ZMIZ1: variants seen among roughly 807,000 people sequenced by gnomAD.
The protein encoded by ZMIZ1 is zinc finger MIZ domain-containing protein 1.
ZMIZ1 carries 17 observed loss-of-function variants against 113.9 expected under a neutral mutation model. That is an observed-to-expected ratio of 0.15 (90% CI 0.10 to 0.22). The LOEUF is 0.22. Among genes scored for constraint, ZMIZ1 ranks in the 10% least tolerant of loss-of-function variants. The pLI is 1.00. For missense variants in ZMIZ1, 1,059 were observed against 1,477.8 expected (o/e 0.72, Z 4.65); for synonymous variants, 607 against 603.1 (o/e 1.01, Z -0.09).
At chr10:79,237,635 T>C (rs1849646779) in intron 7 of ZMIZ1, among the ~76,000 whole-genome samples, 1 of 152,240 alleles carries the variant, frequency 6.6e-6, no homozygotes. Context: ...AACTTCTTTT[T>C]ATAAGGACAC....
chr10:79,301,013 C>T (rs1854262582), intron 17 of ZMIZ1, 71 bp downstream of exon 17: 3 of 1,569,580 alleles, frequency 1.9e-6, no homozygotes, highest in East Asian at 4.5e-5. Flanking sequence ...GTGCGGAATA[C>T]CCTGCCCCAC....
chr10:79,206,749 GC>G (rs1237545547), intron 5 of ZMIZ1, among the ~76,000 whole-genome samples: 31 of 152,346 alleles, frequency 2.0e-4, no homozygotes, highest in African/African-American at 7.0e-4. Flanking sequence ...CAGGCACTTT[GC>G]CAGGGGCTGT....
rs1359989349 is a variant in ZMIZ1 at position 79,315,902 on chromosome 10, C to A, written c.*3153C>A. The stretch of plus-strand genomic sequence containing the variant: ...ACTCCATCACGTGGAAAAACTAGAT[C>A]CTGTTGGTTATAGCATTTGTGAGTT... On this transcript the variant is annotated 3_prime_UTR_variant, in exon 25 of 25. Coordinates refer to ENST00000334512, the MANE Select transcript of ZMIZ1 (RefSeq NM_020338.4). The A allele has an allele frequency of 6.6e-6, 1 of 152,412 alleles. No homozygotes were observed. The highest frequency in any genetic ancestry group is 1.9e-4 in the East Asian group (1 of 5,332). 9.4% of individuals were successfully genotyped at this position (152,412 alleles called of 1,614,324 possible).
At chr10:79,177,176 T>C (rs1191650286) in intron 4 of ZMIZ1, among the ~76,000 whole-genome samples, 1 of 152,230 alleles carries the variant, frequency 6.6e-6, no homozygotes, top group Non-Finnish European at 1.5e-5. Flanking sequence ...CTGTTGGGGC[T>C]GGACTCAGTG....
At chr10:79,292,389 G>A (rs1564589163) in intron 11 of ZMIZ1, 33 bp downstream of exon 11, 1 of 1,584,966 alleles carries the variant, frequency 6.3e-7, no homozygotes. Context: ...GTCCAGCCTT[G>A]CCCAGCCAGC....
At chr10:79,178,783 G>C (rs1313899824) in intron 4 of ZMIZ1, among the ~76,000 whole-genome samples, 1 of 152,148 alleles carries the variant, frequency 6.6e-6, no homozygotes, top group Non-Finnish European at 1.5e-5. Flanking sequence ...GAATTATTGT[G>C]GGGGAGACAG....
intron 1 of ZMIZ1, among the ~76,000 whole-genome samples, chr10:79,097,559 A>G (rs920690415): frequency 6.6e-6 from 1 of 152,210 alleles, no homozygotes; most frequent in African/African-American, 2.4e-5. Flanking sequence ...AATAAAATCA[A>G]TTGGACTGTT....
intron 6 of ZMIZ1, among the ~76,000 whole-genome samples, chr10:79,214,457 A>G (rs11002871): frequency 0.26 from 38,962 of 152,186 alleles, 5,500 homozygotes; most frequent in South Asian, 0.36. Flanking sequence ...GGGAAGGGGA[A>G]CCCATTGGCT....
At chr10:79,098,031 C>T (rs1432147649) in intron 1 of ZMIZ1, among the ~76,000 whole-genome samples, 1 of 152,168 alleles carries the variant, frequency 6.6e-6, no homozygotes, top group East Asian at 1.9e-4. Context: ...GCCACTGGGC[C>T]CTCGGAGGCC....
At chr10:79,277,368 C>A (rs1852366692) in intron 8 of ZMIZ1, 43 bp downstream of exon 8, 1 of 1,521,838 alleles carries the variant, frequency 6.6e-7, no homozygotes, top group Non-Finnish European at 8.8e-7. Flanking sequence ...GAGCAGACAC[C>A]CCTCTGGTCT....
intron 7 of ZMIZ1, among the ~76,000 whole-genome samples, chr10:79,238,108 A>G (rs901286044): frequency 6.6e-6 from 1 of 152,056 alleles, no homozygotes; most frequent in Non-Finnish European, 1.5e-5. Context: ...GTAGCTGAGC[A>G]GGCTCCTCTG....
At position 79,307,451 on chromosome 10, in the gene ZMIZ1, C is replaced by G; in HGVS notation, c.2715C>G (p.Asn905Lys). ...GHGNFDFPHGNPGGTSMNDFM... is the reference protein window; with the variant it reads ...GHGNFDFPHGKPGGTSMNDFM... ...GCAACTTTGACTTCCCCCACGGGAA[C>G]CCTGGAGGGACATCCATGAATGACT... Residue 905 changes from asparagine to lysine, a missense_variant, in exon 23 of 25, where the codon AAC (asparagine) becomes AAG (lysine). Around this residue, in one of 6 missense-constraint regions of ZMIZ1, gnomAD observed 225 missense variants for 276.0 expected, o/e 0.82. Coordinates refer to ENST00000334512, the MANE Select transcript of ZMIZ1 (RefSeq NM_020338.4). The G allele has an allele frequency of 6.2e-7, 1 of 1,613,126 alleles. No homozygotes were observed. The highest frequency in any genetic ancestry group is 1.3e-5 in the African/African-American group (1 of 74,814).
rs547162511 is a variant in ZMIZ1, at chr10:79,154,587, C to T, written c.-130-7466C>T. On this transcript the variant is annotated intron_variant, in intron 3 of 24. Coordinates refer to ENST00000334512, the MANE Select transcript of ZMIZ1 (RefSeq NM_020338.4). ...CTAGGCGCCCCTTTAAGCAAGACCTCGGTCCCTGGAAAAGGGATGGCTGTG... is the reference window on the plus strand; with the variant it reads ...CTAGGCGCCCCTTTAAGCAAGACCTTGGTCCCTGGAAAAGGGATGGCTGTG... 3.5e-4 allele frequency among the ~76,000 whole-genome samples: 54 copies of T among 152,354 alleles called. No individual in the cohort carries two copies. The South Asian group carries it at 7.5e-3, about 21-fold the overall frequency.
intron 8 of ZMIZ1, among the ~76,000 whole-genome samples, chr10:79,287,602 A>G (rs1012223748): frequency 6.6e-6 from 1 of 152,256 alleles, no homozygotes; most frequent in African/African-American, 2.4e-5. Context: ...CCCAAGGTGC[A>G]CATGTATTTG....
intron 5 of ZMIZ1, 119 bp from the exon 6 acceptor site, chr10:79,208,217 C>A: frequency 1.3e-6 from 1 of 762,762 alleles, no homozygotes; most frequent in Non-Finnish European, 2.2e-6. Context: ...TACCCCTTTA[C>A]CCCTTTCTGT....
chr10:79,200,887 A>C (rs1253491499), intron 4 of ZMIZ1, among the ~76,000 whole-genome samples: 1 of 152,154 alleles, frequency 6.6e-6, no homozygotes, highest in African/African-American at 2.4e-5. Flanking sequence ...GTCCCCCTGC[A>C]TGCACATGTA....
intron 2 of ZMIZ1, among the ~76,000 whole-genome samples, chr10:79,138,525 G>T (rs1343984081): frequency 2.0e-5 from 3 of 152,180 alleles, no homozygotes; most frequent in African/African-American, 7.2e-5. Flanking sequence ...GTTCAAGTGT[G>T]GGGCCAAAAA....
intron 7 of ZMIZ1, among the ~76,000 whole-genome samples, chr10:79,229,493 A>G (rs1849312829): frequency 6.6e-6 from 1 of 152,158 alleles, no homozygotes; most frequent in South Asian, 2.1e-4. Flanking sequence ...ATTCCAGAGG[A>G]CCCAGTCTCA....
chr10:79,102,881 A>C (rs1222724670), intron 1 of ZMIZ1, among the ~76,000 whole-genome samples: 1 of 152,178 alleles, frequency 6.6e-6, no homozygotes, highest in African/African-American at 2.4e-5. Context: ...ACACTTATTA[A>C]ATGTTAGTTT....
Sources: allele counts gnomAD v4.1 joint callset (sites outside exome capture counted in the v4.1 genomes callset), GRCh38; gene constraint gnomAD v4.1.1; regional missense constraint gnomAD v4.1.1; transcripts MANE v1.5; gene names NCBI Gene and HGNC (gene_info 2026-07-23, HGNC 2026-07-21).